CSMD1: variants seen among roughly 807,000 people sequenced by gnomAD.
CSMD1 encodes the protein CUB and Sushi multiple domains 1.
Under a neutral mutation model 417.5 loss-of-function variants are expected in CSMD1, and 213 were observed. The observed-to-expected ratio is 0.51, with a 90% CI of 0.46 to 0.57. The LOEUF (loss-of-function observed/expected upper bound fraction) is 0.57. Among genes scored for constraint, CSMD1 ranks in the 20% least tolerant of loss-of-function variants. CSMD1 has a pLI of 0.00. For synonymous variants in CSMD1, 2,862 were observed against 1,736.8 expected, an observed-to-expected ratio of 1.65 and a Z score of -16.11; for missense variants, 6,923 against 4,529.7, an observed-to-expected ratio of 1.53 and a Z score of -15.17.
At chr8:3,209,963 A>T (rs992201530) in intron 30 of CSMD1, among the ~76,000 whole-genome samples, 5 of 152,216 alleles carry the variant, frequency 3.3e-5, no homozygotes, top group African/African-American at 9.7e-5. Flanking sequence ...CTTTGCTTCA[A>T]TTTCAGTTAC....
intron 20 of CSMD1, among the ~76,000 whole-genome samples, chr8:3,365,232 A>G (rs1277395173): frequency 6.6e-6 from 1 of 152,228 alleles, no homozygotes; most frequent in African/African-American, 2.4e-5. Context: ...AATTTCCAAG[A>G]AATCAAGTGG....
chr8:4,987,200 A>C (rs1811222736), intron 1 of CSMD1, among the ~76,000 whole-genome samples: 2 of 152,186 alleles, frequency 1.3e-5, no homozygotes. Context: ...TCCAAAATCC[A>C]CTTATTCAGA....
intron 1 of CSMD1, among the ~76,000 whole-genome samples, chr8:4,797,445 CAA>C (rs1471326742): frequency 2.0e-5 from 3 of 152,110 alleles, no homozygotes; most frequent in African/African-American, 7.2e-5. Context: ...ACCTAAGTAC[CAA>C]ATATAGGTCA....
At position 3,741,679 on chromosome 8, in the gene CSMD1, G is replaced by C. The variant is rs1037708636; in HGVS notation, c.931+12251C>G. ...ATAAGGATTTCTAAACTTCTAACTGGGAAATTAACACTACACAAAATTTCT... is the reference window on the plus strand; with the variant it reads ...ATAAGGATTTCTAAACTTCTAACTGCGAAATTAACACTACACAAAATTTCT... On this transcript the variant is annotated intron_variant, in intron 6 of 69. Coordinates refer to ENST00000635120, the MANE Select transcript of CSMD1 (RefSeq NM_033225.6). 1.1e-4 allele frequency among the ~76,000 whole-genome samples: 17 copies of C among 152,214 alleles called. No homozygotes were observed. In the Middle Eastern group the frequency reaches 0.01, roughly 91 times the overall value.
At chr8:4,542,871 T>A (rs1797458787) in intron 2 of CSMD1, among the ~76,000 whole-genome samples, 1 of 152,194 alleles carries the variant, frequency 6.6e-6, no homozygotes, top group Admixed American at 6.5e-5. Flanking sequence ...TATATTTCTA[T>A]CACTCTAATA....
intron 3 of CSMD1, among the ~76,000 whole-genome samples, chr8:4,345,586 T>C (rs1584933125): frequency 6.6e-6 from 1 of 152,054 alleles, no homozygotes; most frequent in African/African-American, 2.4e-5. Context: ...ATCTAAAATA[T>C]ATGAGGAAAT....
chr8:3,293,194 C>T (rs955483501), intron 25 of CSMD1, among the ~76,000 whole-genome samples: 17 of 152,266 alleles, frequency 1.1e-4, no homozygotes, highest in East Asian at 3.9e-4. Flanking sequence ...CCGAGAGATC[C>T]GCTGTTGGTC....
At chr8:3,484,815 T>A (rs1219301269) in intron 11 of CSMD1, among the ~76,000 whole-genome samples, 2 of 152,214 alleles carry the variant, frequency 1.3e-5, no homozygotes, top group African/African-American at 4.8e-5. Flanking sequence ...TAAATAAGCA[T>A]CTGACAAAAT....
At chr8:3,263,359 A>C (rs1404112104) in intron 26 of CSMD1, among the ~76,000 whole-genome samples, 1 of 152,210 alleles carries the variant, frequency 6.6e-6, no homozygotes, top group East Asian at 1.9e-4. Flanking sequence ...TTGACCTGCC[A>C]AAGTGCTGGA....
At chr8:4,040,644 C>G (rs1797838263) in intron 3 of CSMD1, among the ~76,000 whole-genome samples, 1 of 152,002 alleles carries the variant, frequency 6.6e-6, no homozygotes, top group African/African-American at 2.4e-5. Flanking sequence ...GAATGGAGGG[C>G]ACAACCATAA....
chr8:3,715,074 TA>T (rs1178161047), intron 6 of CSMD1, among the ~76,000 whole-genome samples: 1 of 152,200 alleles, frequency 6.6e-6, no homozygotes, highest in Non-Finnish European at 1.5e-5. Flanking sequence ...CTCCAAATTT[TA>T]ACATTTCTTC....
chr8:4,715,145 ATAAAC>A (rs1808572487), intron 1 of CSMD1, among the ~76,000 whole-genome samples: 1 of 152,220 alleles, frequency 6.6e-6, no homozygotes, highest in Non-Finnish European at 1.5e-5. Flanking sequence ...TAACGTAACT[ATAAAC>A]TAACTATGCT....
intron 10 of CSMD1, among the ~76,000 whole-genome samples, chr8:3,571,553 A>G (rs931121601): frequency 1.3e-5 from 2 of 151,900 alleles, no homozygotes; most frequent in African/African-American, 2.4e-5. Context: ...CCACGGCGTC[A>G]TCTCTCTCTC....
intron 10 of CSMD1, among the ~76,000 whole-genome samples, chr8:3,535,774 C>T (rs1283606416): frequency 6.6e-6 from 1 of 152,106 alleles, no homozygotes; most frequent in Non-Finnish European, 1.5e-5. Flanking sequence ...TCACACCTTC[C>T]CACATGCTTT....
intron 3 of CSMD1, among the ~76,000 whole-genome samples, chr8:4,033,491 C>T (rs1797463777): frequency 6.6e-6 from 1 of 152,232 alleles, no homozygotes; most frequent in Non-Finnish European, 1.5e-5. Flanking sequence ...TACCTATGAC[C>T]TGGAAGCTCC....
At chr8:4,948,585 C>T (rs542486484) in intron 1 of CSMD1, among the ~76,000 whole-genome samples, 1 of 152,068 alleles carries the variant, frequency 6.6e-6, no homozygotes, top group African/African-American at 2.4e-5. Context: ...ATGTTTCATT[C>T]TTATTTTCAA....
intron 5 of CSMD1, among the ~76,000 whole-genome samples, chr8:3,973,116 AG>A: frequency 6.6e-6 from 1 of 152,360 alleles, no homozygotes; most frequent in Non-Finnish European, 1.5e-5. Flanking sequence ...CTTTCTTGAC[AG>A]TTGGAAAGTT....
intron 5 of CSMD1, among the ~76,000 whole-genome samples, chr8:3,951,806 G>C (rs1328503916): frequency 6.6e-6 from 1 of 151,882 alleles, no homozygotes. Context: ...AGCTGGCAAA[G>C]AAGTGAAAAA....
At chr8:4,703,901 G>C (rs182647955) in intron 1 of CSMD1, among the ~76,000 whole-genome samples, 23 of 152,250 alleles carry the variant, frequency 1.5e-4, no homozygotes, top group Admixed American at 1.5e-3. Context: ...GGATGAAACT[G>C]TTCCACCTCA....
Sources: gnomAD v4.1 joint callset for allele counts (sites outside exome capture counted in the v4.1 genomes callset) on GRCh38, gnomAD v4.1.1 for gene constraint, MANE v1.5 for transcripts, NCBI Gene and HGNC (gene_info 2026-07-23, HGNC 2026-07-21) for gene names.